Variants in SVIL observed in about 807,000 individuals in gnomAD.
SVIL encodes archvillin.
A neutral mutation model predicts 240.4 loss-of-function variants in SVIL; 101 were observed. The observed-to-expected ratio is 0.42, with a 90% CI of 0.36 to 0.50. The LOEUF (loss-of-function observed/expected upper bound fraction) is 0.50, where lower values mean the gene tolerates loss of function less well. Ranked by LOEUF, SVIL falls within the 20% of genes least tolerant of loss-of-function variation. SVIL has a pLI of 0.01. For synonymous variants in SVIL, 999 were observed against 1,100.0 expected, an observed-to-expected ratio of 0.91 and a Z score of 1.82; for missense variants, 2,512 against 2,818.7, an observed-to-expected ratio of 0.89 and a Z score of 2.46.
intron 5 of SVIL, among the ~76,000 whole-genome samples, chr10:29,553,452 G>A (rs564175664): frequency 6.5e-4 from 99 of 152,208 alleles, no homozygotes; most frequent in Non-Finnish European, 8.4e-4. Flanking sequence ...ATGGTGGCGG[G>A]CACCTGTAAT....
Position 29,486,355 on chromosome 10 carries a change from G to C in SVIL, c.4633+55C>G, listed in dbSNP as rs1947401747. 4 of 1,605,790 alleles carry C rather than the reference G, an allele frequency of 2.5e-6. No individual in the cohort carries two copies. In the Admixed American group the frequency reaches 5.1e-5, roughly 21 times the overall value. On this transcript the variant is annotated intron_variant, in intron 25 of 37. Transcript: ENST00000355867. ...ATGTAAAATAGAAGAATGAGCTAAG[G>C]GAGAAGAAAGGAGATTCAAGTCTCG...
intron 1 of SVIL, among the ~76,000 whole-genome samples, chr10:29,720,168 C>T (rs1963888115): frequency 6.6e-6 from 1 of 152,152 alleles, no homozygotes; most frequent in Non-Finnish European, 1.5e-5. Context: ...TGCACCACTG[C>T]ACTCTGCCCT....
intron 15 of SVIL, among the ~76,000 whole-genome samples, chr10:29,522,916 A>G (rs995310811): frequency 6.6e-6 from 1 of 152,260 alleles, no homozygotes; most frequent in Admixed American, 6.5e-5. Context: ...GAATGGTTCT[A>G]TTCTCCAAAA....
chr10:29,487,232 G>A lies in SVIL; in HGVS notation c.4416C>T (p.Phe1472=), dbSNP rs377664576. Residue 1472 remains phenylalanine, a synonymous_variant, in exon 24 of 38, where the codon TTC becomes TTT. Coordinates refer to ENST00000355867, the MANE Select transcript of SVIL (RefSeq NM_021738.3). Reference sequence around the variant, plus strand: ...AGCAGCAGTGGGGAGAGAGCAGGAGGAAGCAGTCCCCACTGTTGAGCGCCG... The same window carrying A: ...AGCAGCAGTGGGGAGAGAGCAGGAGAAAGCAGTCCCCACTGTTGAGCGCCG... The part of the protein sequence containing the change: ...RASALNSGDC[F]LLLSPHCCFL... 9.9e-6 allele frequency: 16 copies of A among 1,614,016 alleles called. No individual in the cohort carries two copies. The African/African-American group carries it at 1.9e-4, about 19-fold the overall frequency.
chr10:29,600,655 T>C (rs982409291), intron 1 of SVIL, among the ~76,000 whole-genome samples: 1 of 152,168 alleles, frequency 6.6e-6, no homozygotes, highest in African/African-American at 2.4e-5. Context: ...CACATATTAT[T>C]AGAGAATAGG....
At chr10:29,508,455 G>A (rs1203674631) in intron 17 of SVIL, 26 of 1,228,194 alleles carry the variant, frequency 2.1e-5, no homozygotes, top group South Asian at 8.8e-5. Flanking sequence ...TCAGGGCATC[G>A]CAATCACCTT....
rs772541464 is a variant in SVIL, at chr10:29,491,023, C to T, written c.4020-4G>A. ...CTCGGCCACGGAAGACGTCAATCTGCGGATGGAAGCAGAGCCGCGGTCCCA... is the reference window on the plus strand; with the variant it reads ...CTCGGCCACGGAAGACGTCAATCTGTGGATGGAAGCAGAGCCGCGGTCCCA... On this transcript the variant is annotated splice_polypyrimidine_tract_variant and splice_region_variant and intron_variant, in intron 21 of 37. Transcript: ENST00000355867. 3.7e-6 allele frequency: 6 copies of T among 1,612,700 alleles called. No individual in the cohort carries two copies. Among genetic ancestry groups the T allele is most frequent in the Non-Finnish European group, 5.1e-6 (6 of 1,179,342 alleles).
chr10:29,598,811 C>G (rs1186524141), intron 1 of SVIL, among the ~76,000 whole-genome samples: 1 of 152,188 alleles, frequency 6.6e-6, no homozygotes, highest in African/African-American at 2.4e-5. Context: ...GTTTTCAAAC[C>G]TTGGCCACAG....
exon 3 of SVIL, chr10:29,657,969 C>T (rs1229759719): frequency 2.6e-5 from 4 of 152,200 alleles, no homozygotes; most frequent in African/African-American, 7.2e-5. Context: ...CAATACTTAC[C>T]TTAACGCCGA....
At chr10:29,510,274 C>G (rs1317759867) in intron 17 of SVIL, among the ~76,000 whole-genome samples, 73 of 152,192 alleles carry the variant, frequency 4.8e-4, no homozygotes, top group African/African-American at 1.7e-3. Flanking sequence ...TGAGACCAAT[C>G]CATTGACAGA....
At chr10:29,710,748 A>G (rs1963219233) in intron 1 of SVIL, among the ~76,000 whole-genome samples, 1 of 152,174 alleles carries the variant, frequency 6.6e-6, no homozygotes, top group South Asian at 2.1e-4. Flanking sequence ...ACCCATACCA[A>G]TCATAGTAAA....
At chr10:29,598,361 T>C (rs116281283) in intron 1 of SVIL, among the ~76,000 whole-genome samples, 2 of 152,142 alleles carry the variant, frequency 1.3e-5, no homozygotes, top group Admixed American at 1.3e-4. Flanking sequence ...ATGGTTAAGA[T>C]AGTACATTTT....
rs563085672 is a variant in SVIL, at chr10:29,588,280, C to T, written c.-200-18968G>A. ...GTCAGCAAACCACCAGTTTAGAGTCCTGTGCCTAGTCAAATCTAGCACCGC... is the reference window on the plus strand; with the variant it reads ...GTCAGCAAACCACCAGTTTAGAGTCTTGTGCCTAGTCAAATCTAGCACCGC... On this transcript the variant is annotated intron_variant, in intron 1 of 37. Coordinates refer to ENST00000355867, the MANE Select transcript of SVIL (RefSeq NM_021738.3). 5.9e-5 allele frequency among the ~76,000 whole-genome samples: 9 copies of T among 151,842 alleles called. No homozygotes were observed. In the South Asian group the frequency reaches 6.2e-4, roughly 11 times the overall value.
chr10:29,552,289 C>A (rs1205746066), intron 5 of SVIL, among the ~76,000 whole-genome samples: 1 of 152,056 alleles, frequency 6.6e-6, no homozygotes, highest in Non-Finnish European at 1.5e-5. Flanking sequence ...TGGCTCACAA[C>A]TGTAATCCTA....
chr10:29,540,195 G>A lies in SVIL; in HGVS notation c.828-4126C>T, dbSNP rs575219571. Among the ~76,000 whole-genome samples, 274 of 152,196 alleles carry A rather than the reference G, an allele frequency of 1.8e-3. 9 individuals carry two copies. The South Asian group carries it at 0.055, about 31-fold the overall frequency. On this transcript the variant is annotated intron_variant, in intron 6 of 37. Coordinates refer to ENST00000355867, the MANE Select transcript of SVIL (RefSeq NM_021738.3). The stretch of plus-strand genomic sequence containing the variant: ...CCTAGGGCTCAACATATCAAGTAGG[G>A]CAAACCCCAAAGCCCTTGCGGTGGT...
At chr10:29,584,183 C>T (rs1228147557) in intron 1 of SVIL, among the ~76,000 whole-genome samples, 2 of 152,170 alleles carry the variant, frequency 1.3e-5, no homozygotes, top group East Asian at 3.9e-4. Context: ...GAAGAGCGGA[C>T]AGTGTGGGAG....
chr10:29,500,225 G>A lies in SVIL; in HGVS notation c.3517-962C>T, dbSNP rs529002908. On this transcript the variant is annotated intron_variant, in intron 17 of 37. Transcript: ENST00000355867. ...AAGAGTGTAGGTGGTGGTCGCGGGC[G>A]ATACCAGGGCAGGAGGTCCTCAAAC... 2.1e-4 allele frequency among the ~76,000 whole-genome samples: 31 copies of A among 149,452 alleles called. 1 individual carries two copies. Among genetic ancestry groups the A allele is most frequent in the South Asian group, 1.3e-3 (6 of 4,682 alleles).
At chr10:29,524,168 A>G in intron 14 of SVIL, 141 bp from the exon 15 acceptor site, 3 of 979,144 alleles carry the variant, frequency 3.1e-6, no homozygotes, top group Non-Finnish European at 4.4e-6. Flanking sequence ...ATTCCTGGAC[A>G]TAGTTATATA....
chr10:29,487,351 C>T (rs572368473), intron 23 of SVIL, 52 bp from the exon 24 acceptor site: 112 of 1,603,226 alleles, frequency 7.0e-5, no homozygotes, highest in Admixed American at 5.6e-4. Flanking sequence ...GGGGATAGGA[C>T]GCACCCCATA....
Sources: allele counts gnomAD v4.1 joint callset (sites outside exome capture counted in the v4.1 genomes callset), GRCh38; gene constraint gnomAD v4.1.1; transcripts MANE v1.5; gene names NCBI Gene and HGNC (gene_info 2026-07-23, HGNC 2026-07-21).